Variants in TUBA4B observed in about 807,000 individuals in gnomAD.
The protein encoded by TUBA4B is tubulin alpha 4b, also known as tubulin-like protein alpha-4B.
A neutral mutation model predicts 18.4 loss-of-function variants in TUBA4B; 13 were observed. That is an observed-to-expected ratio of 0.71 (90% CI 0.46 to 1.12). The LOEUF (loss-of-function observed/expected upper bound fraction) is 1.12, where lower values mean the gene tolerates loss of function less well. Among genes scored for constraint, TUBA4B ranks in the 50% most tolerant of loss-of-function variants. TUBA4B has a pLI of 0.00. For missense variants in TUBA4B, 244 were observed against 250.0 expected, an observed-to-expected ratio of 0.98 and a Z score of 0.16; for synonymous variants, 101 against 99.1, an observed-to-expected ratio of 1.02 and a Z score of -0.11.
intron 1 of TUBA4B, among the ~76,000 whole-genome samples, chr2:219,264,401 A>G (rs1397293598): frequency 6.6e-6 from 1 of 151,510 alleles, no homozygotes; most frequent in Non-Finnish European, 1.5e-5. Context: ...CAGAGGTTGC[A>G]GTGAGCTGAG....
intron 1 of TUBA4B, among the ~76,000 whole-genome samples, chr2:219,259,554 G>A (rs1951747607): frequency 6.6e-6 from 1 of 152,072 alleles, no homozygotes; most frequent in Admixed American, 6.6e-5. Flanking sequence ...GCTACCAGAT[G>A]TTGAATTACT....
At chr2:219,266,269 T>C (rs1951788881) in intron 1 of TUBA4B, 3 of 481,018 alleles carry the variant, frequency 6.2e-6, no homozygotes, top group East Asian at 6.8e-5. Flanking sequence ...ACAGATACCA[T>C]GTACCCAGAG....
Position 219,271,962 on chromosome 2 carries a change from G to C in TUBA4B, c.*263G>C. 1 of 1,523,462 alleles carries C rather than the reference G, an allele frequency of 6.6e-7. No individual in the cohort carries two copies. Among genetic ancestry groups the C allele is most frequent in the Non-Finnish European group, 9.1e-7 (1 of 1,097,892 alleles). The allele number at this position is 1,523,462 out of a possible 1,614,324, so 94.4% of individuals were successfully genotyped here. On this transcript the variant is annotated 3_prime_UTR_variant, in exon 4 of 4. Transcript: ENST00000490341. Reference sequence around the variant, plus strand: ...CATCACTATGGCCTGGGCCCGCCTGGACCACAAGTTTGACCTGATGTATGC... The same window carrying C: ...CATCACTATGGCCTGGGCCCGCCTGCACCACAAGTTTGACCTGATGTATGC...
At position 219,258,486 on chromosome 2, in the gene TUBA4B, AG is replaced by A. The variant is rs1176932458; in HGVS notation, c.12+5068del. ...CAGGTGTGCACCACCACGCCTGGCT[AG>A]TTTTTTTTTTTTTTGTATTATTAGT... On this transcript the variant is annotated intron_variant, in intron 1 of 3. Transcript: ENST00000490341. 3.5e-5 allele frequency among the ~76,000 whole-genome samples: 5 copies of A among 144,310 alleles called. No homozygotes were observed. In the East Asian group the frequency reaches 1.0e-3, roughly 29 times the overall value. 94.7% of individuals were successfully genotyped at this position (144,310 alleles called of 152,430 possible).
At chr2:219,253,671 A>C (rs556273927) in intron 1 of TUBA4B, among the ~76,000 whole-genome samples, 2 of 152,166 alleles carry the variant, frequency 1.3e-5, no homozygotes, top group Non-Finnish European at 2.9e-5. Context: ...CCAGCCACCG[A>C]AGGTGAACTA....
intron 1 of TUBA4B, among the ~76,000 whole-genome samples, chr2:219,257,290 C>A (rs1951727198): frequency 6.6e-6 from 1 of 150,402 alleles, no homozygotes; most frequent in Non-Finnish European, 1.5e-5. Flanking sequence ...ATCCACCCAC[C>A]TCAGCCTCCC....
chr2:219,259,053 C>T (rs1472956338), intron 1 of TUBA4B, among the ~76,000 whole-genome samples: 1 of 151,802 alleles, frequency 6.6e-6, no homozygotes, highest in Non-Finnish European at 1.5e-5. Flanking sequence ...GAGGCCGAGG[C>T]AGGCGGATTG....
intron 1 of TUBA4B, chr2:219,253,909 T>C (rs978268561): frequency 1.4e-6 from 2 of 1,395,900 alleles, no homozygotes; most frequent in Non-Finnish European, 1.9e-6. Flanking sequence ...CAGGTCTCAG[T>C]GAGAACTGCG....
intron 1 of TUBA4B, among the ~76,000 whole-genome samples, chr2:219,264,548 C>A (rs1383288198): frequency 6.6e-6 from 1 of 151,678 alleles, no homozygotes; most frequent in African/African-American, 2.4e-5. Flanking sequence ...AGCGGTGGGG[C>A]TGTTATGAGG....
Position 219,271,643 on chromosome 2 carries a change from A to C in TUBA4B, c.670A>C (p.Ser224Arg). The C allele has an allele frequency of 6.2e-7, 1 of 1,613,922 alleles. No homozygotes were observed. Among genetic ancestry groups the C allele is most frequent in the Non-Finnish European group, 8.5e-7 (1 of 1,179,828 alleles). ...TCTGCAGAAAAGGTATACCACGAGCAGCTGTTGGTGGCAGAGATTACCAAT... is the reference window on the plus strand; with the variant it reads ...TCTGCAGAAAAGGTATACCACGAGCCGCTGTTGGTGGCAGAGATTACCAAT... Reference protein sequence around the residue: ...SSLQKRYTTSSCWWQRLPMPA... With the variant: ...SSLQKRYTTSRCWWQRLPMPA... Residue 224 changes from serine to arginine, a missense_variant, in exon 4 of 4, where the codon AGC becomes CGC. Transcript: ENST00000490341.
chr2:219,266,518 C>T lies in TUBA4B; in HGVS notation c.13-3C>T. ...AGATCTATCCCTGCTCACTATCCTGCAGCAGACAGAGAGACAAGACCCCAG... is the reference window on the plus strand; with the variant it reads ...AGATCTATCCCTGCTCACTATCCTGTAGCAGACAGAGAGACAAGACCCCAG... On this transcript the variant is annotated splice_polypyrimidine_tract_variant and splice_region_variant and intron_variant, in intron 1 of 3. Coordinates refer to ENST00000490341, the MANE Select transcript of TUBA4B (RefSeq NM_001355221.1). 1 of 703,002 alleles carries T rather than the reference C, an allele frequency of 1.4e-6. No homozygotes were observed. The highest frequency in any genetic ancestry group is 2.6e-6 in the Non-Finnish European group (1 of 384,968). 43.5% of individuals were successfully genotyped at this position (703,002 alleles called of 1,614,324 possible).
chr2:219,259,124 TAA>T (rs1951742750), intron 1 of TUBA4B, among the ~76,000 whole-genome samples: 1 of 134,396 alleles, frequency 7.4e-6, no homozygotes, highest in Non-Finnish European at 1.6e-5. Context: ...CTACTAAAAA[TAA>T]TAAATAAATA....
chr2:219,253,858 T>C, intron 1 of TUBA4B: 1 of 1,482,674 alleles, frequency 6.7e-7, no homozygotes, highest in Non-Finnish European at 8.9e-7. Context: ...GCACTCACCA[T>C]GGTGAGTCCG....
Position 219,266,548 on chromosome 2 carries a change from C to A in TUBA4B, c.40C>A (p.Pro14Thr), listed in dbSNP as rs1039380101. 11 of 702,912 alleles carry A rather than the reference C, an allele frequency of 1.6e-5. No individual in the cohort carries two copies. The highest frequency in any genetic ancestry group is 4.6e-4 in the Middle Eastern group (2 of 4,392). 43.5% of individuals were successfully genotyped at this position (702,912 alleles called of 1,614,324 possible). ...GACAGAGAGACAAGACCCCAGCCAG[C>A]CCCTGTCCAGGCAGCATGGTGAGTA... ...QQTERQDPSQ[P>T]LSRQHGTYRQ... Residue 14 changes from proline (P) to threonine (T), a missense_variant, in exon 2 of 4, where the codon CCC becomes ACC. By Grantham distance (38) the Pro-to-Thr change is conservative (BLOSUM62 -1). Transcript: ENST00000490341.
chr2:219,261,750 C>T (rs1951760447), intron 1 of TUBA4B, among the ~76,000 whole-genome samples: 1 of 152,230 alleles, frequency 6.6e-6, no homozygotes, highest in Admixed American at 6.5e-5. Context: ...CACACAGCAG[C>T]TGCAGTCATC....
chr2:219,267,377 A>C (rs1951796611), intron 2 of TUBA4B, among the ~76,000 whole-genome samples: 1 of 152,308 alleles, frequency 6.6e-6, no homozygotes, highest in East Asian at 1.9e-4. Flanking sequence ...ATAAAGTGCC[A>C]CCTTCACCTG....
intron 1 of TUBA4B, among the ~76,000 whole-genome samples, chr2:219,256,920 G>A (rs1014201853): frequency 3.3e-5 from 5 of 151,944 alleles, no homozygotes; most frequent in Admixed American, 2.0e-4. Flanking sequence ...GGGGCCATGA[G>A]TAAAAGAATA....
intron 1 of TUBA4B, among the ~76,000 whole-genome samples, chr2:219,257,435 G>A (rs1574889808): frequency 6.8e-6 from 1 of 146,062 alleles, no homozygotes; most frequent in Non-Finnish European, 1.5e-5. Flanking sequence ...GAGGTCAGAA[G>A]TTCAAGACCA....
intron 1 of TUBA4B, chr2:219,254,173 G>T (rs1056548639): frequency 6.4e-6 from 2 of 310,460 alleles, no homozygotes; most frequent in Admixed American, 9.9e-5. Context: ...CTGGGCTCCC[G>T]AGGGCCTCCG....
Sources: gnomAD v4.1 joint callset for allele counts (sites outside exome capture counted in the v4.1 genomes callset) on GRCh38, gnomAD v4.1.1 for gene constraint, MANE v1.5 for transcripts, NCBI Gene and HGNC (gene_info 2026-07-23, HGNC 2026-07-21) for gene names.